The following CRTAC1 variants were observed in gnomAD, a reference collection of about 807,000 sequenced individuals.
The protein encoded by CRTAC1 is cartilage acidic protein 1, also known as acidic secreted protein in cartilage.
Under a neutral mutation model 67.8 loss-of-function variants are expected in CRTAC1, and 37 were observed. The ratio of observed to expected loss-of-function variants is 0.55; its 90% CI spans 0.42 to 0.72. The LOEUF (loss-of-function observed/expected upper bound fraction) is 0.72, where lower values mean the gene tolerates loss of function less well. Ranked by LOEUF, CRTAC1 falls within the 30% of genes least tolerant of loss-of-function variation. CRTAC1 has a pLI of 0.00. For missense variants in CRTAC1, 780 were observed against 931.6 expected (o/e 0.84, Z 2.12); for synonymous variants, 348 against 371.0 (o/e 0.94, Z 0.71).
At chr10:97,902,333 G>A (rs2136566860) in intron 7 of CRTAC1, among the ~76,000 whole-genome samples, 1 of 152,358 alleles carries the variant, frequency 6.6e-6, no homozygotes, top group East Asian at 1.9e-4. Context: ...CAGGGAAGGT[G>A]AAAGAGGTTA....
intron 2 of CRTAC1, among the ~76,000 whole-genome samples, chr10:97,959,179 C>A (rs570910969): frequency 5.9e-5 from 9 of 152,274 alleles, no homozygotes; most frequent in African/African-American, 2.2e-4. Context: ...CCCATGACCA[C>A]CCCTAGACTC....
chr10:97,927,140 C>T (rs979684778), intron 3 of CRTAC1, among the ~76,000 whole-genome samples: 2 of 152,198 alleles, frequency 1.3e-5, no homozygotes, highest in Non-Finnish European at 2.9e-5. Flanking sequence ...CCTGCGTTAG[C>T]TATCTAGAGG....
chr10:98,012,277 A>G (rs967282013), intron 1 of CRTAC1, among the ~76,000 whole-genome samples: 2 of 152,196 alleles, frequency 1.3e-5, no homozygotes, highest in African/African-American at 4.8e-5. Flanking sequence ...CCCAGGAGAC[A>G]GATGAAAATG....
chr10:97,961,574 A>T (rs1319535494), intron 2 of CRTAC1, among the ~76,000 whole-genome samples: 2 of 152,338 alleles, frequency 1.3e-5, no homozygotes, highest in African/African-American at 4.8e-5. Context: ...GTGAACAGGG[A>T]GGAGACCGAG....
At chr10:97,980,044 G>A (rs1026371139) in intron 2 of CRTAC1, among the ~76,000 whole-genome samples, 8 of 152,202 alleles carry the variant, frequency 5.3e-5, no homozygotes, top group African/African-American at 1.9e-4. Flanking sequence ...AATGGCCTGT[G>A]TAAGCTCTGG....
intron 2 of CRTAC1, among the ~76,000 whole-genome samples, chr10:97,956,800 C>CTT (rs879751507): frequency 6.9e-6 from 1 of 144,388 alleles, no homozygotes; most frequent in African/African-American, 2.5e-5. Flanking sequence ...CTCTGGAGTT[C>CTT]TTTTTTTTTT....
chr10:97,986,662 T>C (rs1160262858), intron 2 of CRTAC1, among the ~76,000 whole-genome samples: 4 of 152,238 alleles, frequency 2.6e-5, no homozygotes, highest in Non-Finnish European at 5.9e-5. Context: ...ATTTTAGCGT[T>C]ATGAAAATAT....
chr10:98,012,397 C>T (rs1012706173), intron 1 of CRTAC1, among the ~76,000 whole-genome samples: 3 of 152,122 alleles, frequency 2.0e-5, no homozygotes, highest in African/African-American at 7.2e-5. Flanking sequence ...AGAATCAGCA[C>T]TCATGAAATG....
At chr10:97,878,469 G>T in intron 14 of CRTAC1, 1 of 563,144 alleles carries the variant, frequency 1.8e-6, no homozygotes, top group Non-Finnish European at 2.5e-6. Context: ...TGTTGAATAT[G>T]TTTTTAAAAG....
chr10:97,912,216 A>G (rs553001383), intron 5 of CRTAC1, among the ~76,000 whole-genome samples: 23 of 152,284 alleles, frequency 1.5e-4, no homozygotes, highest in African/African-American at 4.6e-4. Flanking sequence ...AGCTGGGACT[A>G]TTTACCACCT....
chr10:97,889,430 T>G (rs530884175), intron 11 of CRTAC1, among the ~76,000 whole-genome samples: 5 of 128,298 alleles, frequency 3.9e-5, no homozygotes, highest in South Asian at 2.6e-4. Context: ...CAGGCCAGGG[T>G]GAAGAGGGGC....
intron 13 of CRTAC1, among the ~76,000 whole-genome samples, chr10:97,881,528 C>T (rs986539999): frequency 5.3e-5 from 8 of 152,180 alleles, no homozygotes; most frequent in Non-Finnish European, 7.3e-5. Flanking sequence ...TGTGGAGGCG[C>T]GGGGGTGGCA....
At chr10:97,935,710 T>TG (rs1414503077) in intron 3 of CRTAC1, among the ~76,000 whole-genome samples, 1 of 152,034 alleles carries the variant, frequency 6.6e-6, no homozygotes, top group East Asian at 1.9e-4. Context: ...CTGAGAGTAG[T>TG]GGGGGGCTCC....
chr10:97,924,661 G>A, intron 3 of CRTAC1, among the ~76,000 whole-genome samples: 1 of 152,208 alleles, frequency 6.6e-6, no homozygotes, highest in East Asian at 1.9e-4. Context: ...CAAGTTTACT[G>A]TGAGGAATAA....
intron 14 of CRTAC1, 27 bp from the exon 15 acceptor site, chr10:97,865,741 A>C (rs2050014614): frequency 1.4e-6 from 2 of 1,455,614 alleles, no homozygotes; most frequent in Non-Finnish European, 9.2e-7. Context: ...GGCCGGAGTG[A>C]GGGCCTTGCA....
chr10:97,878,823 G>A (rs2050176102), intron 14 of CRTAC1: 2 of 721,132 alleles, frequency 2.8e-6, no homozygotes, highest in South Asian at 1.9e-5. Flanking sequence ...CTGAGGCACA[G>A]CATGGAGAAG....
chr10:98,020,047 A>G (rs948667848), intron 1 of CRTAC1, among the ~76,000 whole-genome samples: 1 of 151,930 alleles, frequency 6.6e-6, no homozygotes, highest in Non-Finnish European at 1.5e-5. Flanking sequence ...ATCTCTCTCA[A>G]TCCTGCTCAG....
rs189904018 is a variant in CRTAC1 at position 97,975,865 on chromosome 10, G to T, written c.224+35273C>A. ...GGCCCCCAATGAGGAGCTAGCTCCC[G>T]GCTGCCCCTTGAGGTCATGAAGCCT... On this transcript the variant is annotated intron_variant, in intron 2 of 14. Coordinates refer to ENST00000370597, the MANE Select transcript of CRTAC1 (RefSeq NM_018058.7). This position sits in a 1 kb window ranked among gnomAD's most constrained non-coding sequence, Gnocchi z 4.8. Among the ~76,000 whole-genome samples, 1 of 152,316 alleles carries T rather than the reference G, an allele frequency of 6.6e-6. No homozygotes were observed. The highest frequency in any genetic ancestry group is 1.9e-4 in the East Asian group (1 of 5,170).
rs911576933 is a variant in CRTAC1, at chr10:97,874,718, A to G, written c.1819+5531T>C. On this transcript the variant is annotated intron_variant, in intron 14 of 14. Coordinates refer to ENST00000370597, the MANE Select transcript of CRTAC1 (RefSeq NM_018058.7). ...GTCTAATATAATAACTCTGTGAGGT[A>G]TTATCCCCATCTTGCAGATGGGAAA... Among the ~76,000 whole-genome samples, 5 of 152,270 alleles carry G rather than the reference A, an allele frequency of 3.3e-5. 1 individual carries two copies. In the South Asian group the frequency reaches 1.0e-3, roughly 32 times the overall value.
Sources: gnomAD v4.1 joint callset for allele counts (sites outside exome capture counted in the v4.1 genomes callset) on GRCh38, gnomAD v4.1.1 for gene constraint, Gnocchi (gnomAD v3.1) non-coding constraint, MANE v1.5 for transcripts, NCBI Gene and HGNC (gene_info 2026-07-23, HGNC 2026-07-21) for gene names.